The following RAB3IP variants were observed in gnomAD, a reference collection of about 807,000 sequenced individuals.
The protein encoded by RAB3IP is RAB3A interacting protein, also known as rab-3A-interacting protein.
In RAB3IP, 36 loss-of-function variants were observed where a neutral mutation model predicts 59.1. The ratio of observed to expected loss-of-function variants is 0.61; its 90% CI spans 0.47 to 0.80. RAB3IP has a LOEUF of 0.80. Ranked by LOEUF, RAB3IP falls within the 30% of genes least tolerant of loss-of-function variation. The probability of loss-of-function intolerance (pLI) is 0.00; values close to 1 mark genes in which losing one functional copy is unlikely to be tolerated. For missense variants in RAB3IP, 511 were observed against 536.0 expected, an observed-to-expected ratio of 0.95 and a Z score of 0.46; for synonymous variants, 207 against 191.2, an observed-to-expected ratio of 1.08 and a Z score of -0.68.
At chr12:69,802,338 A>ACTAG (rs1455103472) in intron 8 of RAB3IP, among the ~76,000 whole-genome samples, 1 of 152,024 alleles carries the variant, frequency 6.6e-6, no homozygotes, top group Non-Finnish European at 1.5e-5. Flanking sequence ...AAGGATTCTC[A>ACTAG]CTTAAATAAA....
At chr12:69,813,105 A>C in intron 10 of RAB3IP, 72 bp downstream of exon 10, 2 of 1,102,598 alleles carry the variant, frequency 1.8e-6, no homozygotes, top group Non-Finnish European at 2.7e-6. Flanking sequence ...GTTCAACAAA[A>C]AGTATAGAAT....
At chr12:69,742,223 A>G (rs1887414757) in intron 1 of RAB3IP, among the ~76,000 whole-genome samples, 1 of 152,220 alleles carries the variant, frequency 6.6e-6, no homozygotes, top group African/African-American at 2.4e-5. Context: ...AGATATTCCA[A>G]GGGAGTACGC....
At chr12:69,761,103 C>T (rs1253238248) in intron 3 of RAB3IP, among the ~76,000 whole-genome samples, 2 of 151,962 alleles carry the variant, frequency 1.3e-5, no homozygotes, top group Non-Finnish European at 2.9e-5. Flanking sequence ...TCTTTTTTTC[C>T]TCACTGTGTT....
intron 1 of RAB3IP, among the ~76,000 whole-genome samples, chr12:69,751,521 A>G (rs995378061): frequency 6.6e-6 from 1 of 152,142 alleles, no homozygotes; most frequent in Non-Finnish European, 1.5e-5. Flanking sequence ...TCTGAGTAAA[A>G]TTTAGGCCTC....
chr12:69,756,657 T>A lies in RAB3IP; in HGVS notation c.504T>A (p.Ala168=), dbSNP rs1204198960. ...YERLKEELAK[A]QRELKLKDEE... is the part of the protein sequence containing the mutation. ...GATTAAAAGAAGAACTCGCAAAAGC[T>A]CAGAGGGTAAGAAAGAAGATATTTT... Residue 168 remains alanine, a synonymous_variant, in exon 3 of 11, where the codon GCT becomes GCA. Transcript: ENST00000247833. The A allele has an allele frequency of 6.2e-7, 1 of 1,612,434 alleles. No individual in the cohort carries two copies. Among genetic ancestry groups the A allele is most frequent in the South Asian group, 1.1e-5 (1 of 90,792 alleles).
intron 1 of RAB3IP, among the ~76,000 whole-genome samples, chr12:69,742,184 T>C (rs1351509950): frequency 6.6e-6 from 1 of 152,210 alleles, no homozygotes; most frequent in Non-Finnish European, 1.5e-5. Context: ...GAGATATTTG[T>C]GCATTGAGGT....
At chr12:69,812,731 C>T (rs1392340705) in intron 8 of RAB3IP, 47 bp from the exon 9 acceptor site, 1 of 1,284,628 alleles carries the variant, frequency 7.8e-7, no homozygotes, top group Non-Finnish European at 1.1e-6. Flanking sequence ...AAGGTAGGGG[C>T]AAATGCTTTT....
At chr12:69,746,525 C>T (rs1398620084) in intron 1 of RAB3IP, among the ~76,000 whole-genome samples, 3 of 152,152 alleles carry the variant, frequency 2.0e-5, no homozygotes, top group African/African-American at 4.8e-5. Flanking sequence ...TGCCGTGGCT[C>T]GTAGAGGCTG....
chr12:69,771,325 C>G (rs1327414115), intron 3 of RAB3IP, among the ~76,000 whole-genome samples: 1 of 152,130 alleles, frequency 6.6e-6, no homozygotes, highest in Admixed American at 6.5e-5. Flanking sequence ...GACCACAGGC[C>G]TTCAAGACCA....
At chr12:69,809,885 T>G (rs932113515) in intron 8 of RAB3IP, among the ~76,000 whole-genome samples, 1 of 152,204 alleles carries the variant, frequency 6.6e-6, no homozygotes, top group African/African-American at 2.4e-5. Context: ...TCTGAAGCCT[T>G]TCTCTCTCAA....
At chr12:69,806,395 T>C (rs1385130640) in intron 8 of RAB3IP, among the ~76,000 whole-genome samples, 2 of 152,062 alleles carry the variant, frequency 1.3e-5, no homozygotes, top group Non-Finnish European at 2.9e-5. Context: ...CTTTTCTTCT[T>C]TATTAGTCTT....
intron 4 of RAB3IP, among the ~76,000 whole-genome samples, chr12:69,788,714 G>A (rs1301119452): frequency 6.6e-6 from 1 of 152,074 alleles, no homozygotes; most frequent in Admixed American, 6.5e-5. Flanking sequence ...GGATCTAACA[G>A]ATACGTATGG....
intron 3 of RAB3IP, among the ~76,000 whole-genome samples, chr12:69,768,370 C>T (rs61930170): frequency 0.11 from 16,287 of 152,242 alleles, 1,202 homozygotes; most frequent in Middle Eastern, 0.17. Flanking sequence ...TGCTGCACCA[C>T]AATCTATGTC....
chr12:69,802,693 G>T (rs1878579642), intron 8 of RAB3IP, among the ~76,000 whole-genome samples: 1 of 152,218 alleles, frequency 6.6e-6, no homozygotes, highest in Non-Finnish European at 1.5e-5. Context: ...AGCCAGAAGA[G>T]GAAAAGACTG....
intron 4 of RAB3IP, among the ~76,000 whole-genome samples, chr12:69,789,352 T>C (rs1267652317): frequency 1.3e-5 from 2 of 152,118 alleles, no homozygotes; most frequent in Admixed American, 6.6e-5. Flanking sequence ...TAAGTGACTT[T>C]TATGAACCAC....
At chr12:69,743,574 G>T (rs1432095338) in intron 1 of RAB3IP, among the ~76,000 whole-genome samples, 1 of 152,078 alleles carries the variant, frequency 6.6e-6, no homozygotes, top group Non-Finnish European at 1.5e-5. Flanking sequence ...TCAAATGTAG[G>T]CAGGGGAGAT....
intron 1 of RAB3IP, among the ~76,000 whole-genome samples, chr12:69,746,692 A>G (rs10467163): frequency 0.77 from 116,552 of 152,156 alleles, 44,781 homozygotes; most frequent in East Asian, 0.88. Context: ...AATATGTATA[A>G]TAAATGTTGA....
At chr12:69,790,183 A>C (rs556095078) in intron 4 of RAB3IP, among the ~76,000 whole-genome samples, 1 of 152,334 alleles carries the variant, frequency 6.6e-6, no homozygotes, top group East Asian at 1.9e-4. Flanking sequence ...ATTCAACAAC[A>C]AAAAAGTTAG....
At chr12:69,787,091 T>A (rs1875804988) in intron 4 of RAB3IP, among the ~76,000 whole-genome samples, 1 of 152,188 alleles carries the variant, frequency 6.6e-6, no homozygotes, top group South Asian at 2.1e-4. Flanking sequence ...TGTTTGCATA[T>A]CTTTTTAGGA....
Sources: allele counts gnomAD v4.1 joint callset (sites outside exome capture counted in the v4.1 genomes callset), GRCh38; gene constraint gnomAD v4.1.1; transcripts MANE v1.5; gene names NCBI Gene and HGNC (gene_info 2026-07-23, HGNC 2026-07-21).